Variants in ANKH observed in about 807,000 individuals in gnomAD.
The protein encoded by ANKH is mineralization regulator ANKH.
A neutral mutation model predicts 49.0 loss-of-function variants in ANKH; 15 were observed. The ratio of observed to expected loss-of-function variants is 0.31; its 90% CI spans 0.20 to 0.47. The LOEUF (loss-of-function observed/expected upper bound fraction) is 0.47, where lower values mean the gene tolerates loss of function less well. ANKH is among the 20% of genes least tolerant of loss of function. The pLI, the probability that ANKH is intolerant of heterozygous loss-of-function variation, is 1.00. For missense variants in ANKH, 429 were observed against 652.0 expected (o/e 0.66, Z 3.72); for synonymous variants, 273 against 260.0 (o/e 1.05, Z -0.48).
intron 1 of ANKH, among the ~76,000 whole-genome samples, chr5:14,774,370 T>G (rs1206199442): frequency 6.6e-6 from 1 of 152,224 alleles, no homozygotes; most frequent in Non-Finnish European, 1.5e-5. Context: ...AGTGCATTAC[T>G]TCAAAATCAC....
intron 1 of ANKH, among the ~76,000 whole-genome samples, chr5:14,842,699 T>G (rs536269849): frequency 6.6e-6 from 1 of 152,150 alleles, no homozygotes. Flanking sequence ...TTGGAACAGA[T>G]GAAGGCTGCA....
At chr5:14,738,793 A>C (rs1490007858) in intron 8 of ANKH, among the ~76,000 whole-genome samples, 2 of 152,130 alleles carry the variant, frequency 1.3e-5, no homozygotes, top group African/African-American at 4.8e-5. Context: ...ATAGACTAGA[A>C]AATCAAGAGC....
chr5:14,796,101 C>T (rs1174450756), intron 1 of ANKH, among the ~76,000 whole-genome samples: 4 of 151,626 alleles, frequency 2.6e-5, no homozygotes, highest in Non-Finnish European at 2.9e-5. Context: ...TGTATCTGTG[C>T]CTTTTGGGTA....
chr5:14,767,362 C>T (rs1393591042), intron 2 of ANKH, among the ~76,000 whole-genome samples: 1 of 152,128 alleles, frequency 6.6e-6, no homozygotes, highest in African/African-American at 2.4e-5. Context: ...AAAAGAAATT[C>T]ATATGTGCTT....
At chr5:14,867,265 G>C (rs368099013) in intron 1 of ANKH, among the ~76,000 whole-genome samples, 2 of 152,078 alleles carry the variant, frequency 1.3e-5, no homozygotes, top group South Asian at 2.1e-4. Context: ...TAAAGACCAG[G>C]TGGGTATGGG....
At chr5:14,846,103 T>C (rs1741953210) in intron 1 of ANKH, among the ~76,000 whole-genome samples, 1 of 152,016 alleles carries the variant, frequency 6.6e-6, no homozygotes, top group Non-Finnish European at 1.5e-5. Context: ...GTGATCCGCC[T>C]GCCTCGGCCT....
intron 1 of ANKH, among the ~76,000 whole-genome samples, chr5:14,848,114 T>C (rs1464315232): frequency 6.6e-6 from 1 of 152,200 alleles, no homozygotes; most frequent in Non-Finnish European, 1.5e-5. Context: ...CACTCCAGCC[T>C]GGCGATGGAC....
At chr5:14,837,751 T>C (rs1741696679) in intron 1 of ANKH, among the ~76,000 whole-genome samples, 1 of 152,204 alleles carries the variant, frequency 6.6e-6, no homozygotes, top group Non-Finnish European at 1.5e-5. Context: ...AAATACCATT[T>C]GACCCAGCCA....
chr5:14,825,159 C>A (rs367708713), intron 1 of ANKH, among the ~76,000 whole-genome samples: 6 of 152,194 alleles, frequency 3.9e-5, no homozygotes, highest in African/African-American at 1.4e-4. Flanking sequence ...TTAAAAGACA[C>A]ATGAGGACTC....
intron 1 of ANKH, among the ~76,000 whole-genome samples, chr5:14,833,616 C>T (rs1741569708): frequency 6.6e-6 from 1 of 152,142 alleles, no homozygotes. Flanking sequence ...GCTGCTGCAC[C>T]ACCTCAAAGA....
Position 14,858,764 on chromosome 5 carries a change from A to C in ANKH, c.96+12588T>G, listed in dbSNP as rs561756173. On this transcript the variant is annotated intron_variant, in intron 1 of 11. Coordinates refer to ENST00000284268, the MANE Select transcript of ANKH (RefSeq NM_054027.6). ...AAATAAATAAATAAATAAATAAAAT[A>C]AAATAAAATATATGCACAGAAAAGA... Among the ~76,000 whole-genome samples, 65 of 147,312 alleles carry C rather than the reference A, an allele frequency of 4.4e-4. No homozygotes were observed. In the East Asian group the frequency reaches 7.9e-3, roughly 18 times the overall value.
At chr5:14,756,205 G>A (rs1467526797) in intron 3 of ANKH, among the ~76,000 whole-genome samples, 1 of 152,202 alleles carries the variant, frequency 6.6e-6, no homozygotes, top group Non-Finnish European at 1.5e-5. Flanking sequence ...TGCGCTATTA[G>A]GTTTGTATGC....
At chr5:14,777,635 T>G (rs149972511) in intron 1 of ANKH, among the ~76,000 whole-genome samples, 1 of 152,096 alleles carries the variant, frequency 6.6e-6, no homozygotes, top group Non-Finnish European at 1.5e-5. Context: ...AGGCACCAAT[T>G]CACCCCAATC....
intron 3 of ANKH, among the ~76,000 whole-genome samples, chr5:14,757,303 G>A (rs778193568): frequency 1.1e-4 from 17 of 151,728 alleles, no homozygotes; most frequent in Non-Finnish European, 2.2e-4. Flanking sequence ...TGAGGTGGGG[G>A]TGGTAAAAAA....
At chr5:14,735,215 T>C (rs547625421) in intron 8 of ANKH, among the ~76,000 whole-genome samples, 1 of 152,316 alleles carries the variant, frequency 6.6e-6, no homozygotes, top group South Asian at 2.1e-4. Flanking sequence ...ATGGCTCATG[T>C]TCCCCATAAA....
chr5:14,754,524 TCTA>T (rs1377750515), intron 4 of ANKH, among the ~76,000 whole-genome samples: 2 of 152,184 alleles, frequency 1.3e-5, no homozygotes, highest in East Asian at 3.8e-4. Flanking sequence ...GACAAAATTC[TCTA>T]CTAACTCTTA....
intron 1 of ANKH, 24 bp downstream of exon 1, chr5:14,871,328 G>A (rs1369842288): frequency 2.5e-6 from 4 of 1,599,018 alleles, no homozygotes; most frequent in South Asian, 2.2e-5. Flanking sequence ...GCGAGCGGGC[G>A]TGGGGCGCGG....
rs1377890749 is a variant in ANKH, at chr5:14,708,310, A to C, written c.*2887T>G. 1 of 152,194 alleles carries C rather than the reference A, an allele frequency of 6.6e-6. No homozygotes were observed. The highest frequency in any genetic ancestry group is 1.5e-5 in the Non-Finnish European group (1 of 68,030). 9.4% of individuals were successfully genotyped at this position (152,194 alleles called of 1,614,324 possible). A position where few individuals can be genotyped will look rare whatever the true frequency, so the allele number is the denominator to read the frequency against. On this transcript the variant is annotated 3_prime_UTR_variant, in exon 12 of 12. Coordinates refer to ENST00000284268, the MANE Select transcript of ANKH (RefSeq NM_054027.6). Reference sequence around the variant, plus strand: ...AACTACTTCATGGCCTTGTATTTTTAGATTGTATTCATCCACAAGCAATCA... The same window carrying C: ...AACTACTTCATGGCCTTGTATTTTTCGATTGTATTCATCCACAAGCAATCA...
At chr5:14,812,117 TAAAAA>T (rs55728743) in intron 1 of ANKH, among the ~76,000 whole-genome samples, 77 of 126,526 alleles carry the variant, frequency 6.1e-4, no homozygotes, top group Non-Finnish European at 7.9e-4. Flanking sequence ...GTATTTATCT[TAAAAA>T]AAAAAAAAAA....
Sources: allele counts gnomAD v4.1 joint callset (sites outside exome capture counted in the v4.1 genomes callset), GRCh38; gene constraint gnomAD v4.1.1; transcripts MANE v1.5; gene names NCBI Gene and HGNC (gene_info 2026-07-23, HGNC 2026-07-21).